TASP1: variants seen among roughly 807,000 people sequenced by gnomAD.
The protein encoded by TASP1 is taspase 1, also known as threonine aspartase 1.
In TASP1, 16 loss-of-function variants were observed where a neutral mutation model predicts 56.6. The observed-to-expected ratio is 0.28, with a 90% confidence interval of 0.19 to 0.43. The LOEUF is 0.43. TASP1 is among the 20% of genes least tolerant of loss of function. The probability of loss-of-function intolerance (pLI) is 1.00; values close to 1 mark genes in which losing one functional copy is unlikely to be tolerated. For missense variants in TASP1, 393 were observed against 511.6 expected (o/e 0.77, Z 2.24); for synonymous variants, 179 against 184.2 (o/e 0.97, Z 0.23).
At chr20:13,631,082 A>G (rs6033782) in intron 1 of TASP1, among the ~76,000 whole-genome samples, 4,880 of 152,208 alleles carry the variant, frequency 0.032, 220 homozygotes, top group African/African-American at 0.096. Flanking sequence ...CAATGGATTG[A>G]AAATTTTTGA....
chr20:13,493,850 A>C (rs1442575278), intron 10 of TASP1, among the ~76,000 whole-genome samples: 3 of 152,152 alleles, frequency 2.0e-5, no homozygotes. Flanking sequence ...ATAAAGCAGA[A>C]CCTTGCTTTC....
At chr20:13,319,191 A>G in the TASP1 span, among the ~76,000 whole-genome samples, 3 of 152,140 alleles carry the variant, frequency 2.0e-5, no homozygotes, top group African/African-American at 7.2e-5. Context: ...CTGAAACAAT[A>G]GTCTATTTTT....
At chr20:13,576,330 A>AAAGAAAGAAAGG (rs1464547434) in intron 6 of TASP1, among the ~76,000 whole-genome samples, 1 of 136,946 alleles carries the variant, frequency 7.3e-6, no homozygotes, top group East Asian at 2.1e-4. Flanking sequence ...AAGAAAAGAG[A>AAAGAAAGAAAGG]AAGAAAGAAA....
intron 11 of TASP1, among the ~76,000 whole-genome samples, chr20:13,450,871 G>A (rs899802840): frequency 6.6e-6 from 1 of 152,078 alleles, no homozygotes; most frequent in African/African-American, 2.4e-5. Context: ...AATCCTGATG[G>A]AGAAGGTTTT....
the TASP1 span, among the ~76,000 whole-genome samples, chr20:13,215,130 A>G: frequency 6.6e-6 from 1 of 152,208 alleles, no homozygotes; most frequent in Non-Finnish European, 1.5e-5. Context: ...TACTTTGAGA[A>G]ATACAAAGCA....
chr20:13,211,407 C>A, the TASP1 span, among the ~76,000 whole-genome samples: 139 of 152,170 alleles, frequency 9.1e-4, 1 homozygote, highest in African/African-American at 3.3e-3. Flanking sequence ...AAGTCTCAAC[C>A]AAAATCAAAG....
the TASP1 span, among the ~76,000 whole-genome samples, chr20:13,281,421 C>T: frequency 6.6e-6 from 1 of 152,196 alleles, no homozygotes; most frequent in African/African-American, 2.4e-5. Context: ...TAATAGCCAA[C>T]ATTTAAATAG....
chr20:13,481,683 C>T (rs919306264), intron 11 of TASP1, among the ~76,000 whole-genome samples: 4 of 152,172 alleles, frequency 2.6e-5, no homozygotes, highest in Admixed American at 6.5e-5. Flanking sequence ...TAATGTTGAG[C>T]GCTTTTTCAT....
chr20:13,149,655 T>G, the TASP1 span, among the ~76,000 whole-genome samples: 1 of 152,212 alleles, frequency 6.6e-6, no homozygotes, highest in African/African-American at 2.4e-5. Flanking sequence ...CTAAATGGTT[T>G]AAAGATAGGA....
At chr20:13,507,556 A>G (rs1486613424) in intron 10 of TASP1, among the ~76,000 whole-genome samples, 1 of 152,010 alleles carries the variant, frequency 6.6e-6, no homozygotes, top group African/African-American at 2.4e-5. Context: ...AATAAAAGCT[A>G]TAAAATAATG....
chr20:13,271,566 G>T, the TASP1 span, among the ~76,000 whole-genome samples: 1 of 152,162 alleles, frequency 6.6e-6, no homozygotes, highest in East Asian at 1.9e-4. Context: ...TTACTGTTTG[G>T]TTTACCCAAA....
At chr20:13,158,581 G>C in the TASP1 span, among the ~76,000 whole-genome samples, 1 of 152,148 alleles carries the variant, frequency 6.6e-6, no homozygotes, top group East Asian at 1.9e-4. Flanking sequence ...CTCTCATTCT[G>C]TGCAGTTCCG....
intron 4 of TASP1, among the ~76,000 whole-genome samples, chr20:13,607,947 G>C (rs559426223): frequency 4.6e-5 from 7 of 152,072 alleles, no homozygotes; most frequent in Non-Finnish European, 1.0e-4. Flanking sequence ...GCGTACTCCA[G>C]CTGGGCGACA....
the TASP1 span, among the ~76,000 whole-genome samples, chr20:13,373,481 C>G: frequency 7.3e-6 from 1 of 136,962 alleles, no homozygotes; most frequent in Non-Finnish European, 1.6e-5. Flanking sequence ...CTGGATATGT[C>G]TTGATTTTTT....
chr20:13,258,104 C>T, the TASP1 span, among the ~76,000 whole-genome samples: 3 of 152,166 alleles, frequency 2.0e-5, no homozygotes, highest in East Asian at 3.9e-4. Context: ...GCTATTTCTC[C>T]CAAGCATACC....
chr20:13,576,212 G>C (rs2046901532), intron 6 of TASP1, among the ~76,000 whole-genome samples: 1 of 26,334 alleles, frequency 3.8e-5, no homozygotes, highest in South Asian at 7.3e-4. Flanking sequence ...AGAAGGGGGA[G>C]GGGAGGGGAG....
At chr20:13,476,528 T>A (rs2042955538) in intron 11 of TASP1, among the ~76,000 whole-genome samples, 1 of 152,224 alleles carries the variant, frequency 6.6e-6, no homozygotes, top group Non-Finnish European at 1.5e-5. Context: ...AGTACAGTGC[T>A]TATTCACCTT....
intron 10 of TASP1, among the ~76,000 whole-genome samples, chr20:13,509,473 G>A (rs1243286126): frequency 6.6e-6 from 1 of 152,136 alleles, no homozygotes. Context: ...ACTTTGCTGA[G>A]AGAGTAGATC....
At chr20:13,212,044 G>A in the TASP1 span, among the ~76,000 whole-genome samples, 257 of 152,248 alleles carry the variant, frequency 1.7e-3, 1 homozygote, top group African/African-American at 5.8e-3. Context: ...GTTTTTGGCA[G>A]AGATAATTCT....
Sources: allele counts gnomAD v4.1 joint callset (sites outside exome capture counted in the v4.1 genomes callset), GRCh38; gene constraint gnomAD v4.1.1; transcripts MANE v1.5; gene names NCBI Gene and HGNC (gene_info 2026-07-23, HGNC 2026-07-21).